Variants in USP45 observed in about 807,000 individuals in gnomAD.
USP45 encodes ubiquitin carboxyl-terminal hydrolase 45.
A neutral mutation model predicts 95.8 loss-of-function variants in USP45; 89 were observed. That is an observed-to-expected ratio of 0.93 (90% confidence interval 0.78 to 1.11). The LOEUF (loss-of-function observed/expected upper bound fraction) is 1.11. Ranked by LOEUF, USP45 falls within the 50% of genes least tolerant of loss-of-function variation. The probability of loss-of-function intolerance (pLI) is 0.00; values close to 1 mark genes in which losing one functional copy is unlikely to be tolerated. For synonymous variants in USP45, 281 were observed against 316.2 expected (o/e 0.89, Z 1.18); for missense variants, 898 against 942.5 (o/e 0.95, Z 0.62).
At chr6:99,500,953 G>T (rs1797233873) in intron 5 of USP45, among the ~76,000 whole-genome samples, 1 of 152,034 alleles carries the variant, frequency 6.6e-6, no homozygotes. Flanking sequence ...CTGTACACTG[G>T]GCTATAGAAA....
chr6:99,513,333 C>T (rs973916581), intron 1 of USP45, among the ~76,000 whole-genome samples: 7 of 152,248 alleles, frequency 4.6e-5, no homozygotes, highest in Admixed American at 2.0e-4. Context: ...TCTTCACTTT[C>T]CTCAAACCTC....
Position 99,468,559 on chromosome 6 carries a change from A to T in USP45, c.993T>A (p.Asp331Glu). 6.2e-7 allele frequency: 1 copy of T among 1,607,988 alleles called. No individual in the cohort carries two copies. The highest frequency in any genetic ancestry group is 2.2e-5 in the East Asian group (1 of 44,674). ...TACCTTTGACTTTTTTTCTAGTTTC[A>T]TCATCAGCAGTTTTAGTAGTTGGGT... ...FNNPTTKTAD[D>E]ETRKKVKAYG... is the part of the protein sequence containing the mutation. Residue 331 changes from aspartate to glutamate, a missense_variant, in exon 10 of 18, where the codon GAT becomes GAA. Asp to Glu is a conservative substitution (Grantham distance 45). Transcript: ENST00000500704.
At chr6:99,490,721 G>A (rs1794989486) in intron 5 of USP45, among the ~76,000 whole-genome samples, 1 of 152,032 alleles carries the variant, frequency 6.6e-6, no homozygotes, top group African/African-American at 2.4e-5. Flanking sequence ...AGCTTCTTAC[G>A]TCTCTGACAA....
chr6:99,456,362 T>G (rs1474674966), intron 13 of USP45, among the ~76,000 whole-genome samples: 1 of 151,932 alleles, frequency 6.6e-6, no homozygotes, highest in Non-Finnish European at 1.5e-5. Context: ...TACGAGAAAA[T>G]CTGAAATGTT....
intron 13 of USP45, chr6:99,461,578 C>T (rs1786484002): frequency 2.4e-5 from 24 of 985,378 alleles, no homozygotes; most frequent in Non-Finnish European, 2.8e-5. Context: ...GAGATAACAT[C>T]TTCCAACTTG....
At chr6:99,446,782 T>G (rs1782640333) in intron 13 of USP45, among the ~76,000 whole-genome samples, 1 of 152,196 alleles carries the variant, frequency 6.6e-6, no homozygotes, top group Admixed American at 6.5e-5. Flanking sequence ...CTTGCTCTGT[T>G]GCCCAGGCTA....
intron 8 of USP45, 35 bp downstream of exon 8, chr6:99,482,717 CT>C: frequency 6.4e-7 from 1 of 1,551,312 alleles, no homozygotes; most frequent in Non-Finnish European, 8.7e-7. Flanking sequence ...TATTTTGTAA[CT>C]CATAATTATT....
At chr6:99,508,920 T>C (rs1583478708) in intron 2 of USP45, 138 bp from the exon 3 acceptor site, 2 of 654,416 alleles carry the variant, frequency 3.1e-6, no homozygotes, top group Non-Finnish European at 5.0e-6. Flanking sequence ...TCAAAAGATA[T>C]ATGCTATATA....
intron 15 of USP45, among the ~76,000 whole-genome samples, chr6:99,441,486 C>T (rs548512968): frequency 4.0e-5 from 6 of 151,824 alleles, no homozygotes; most frequent in East Asian, 1.9e-4. Flanking sequence ...GAGCCGAGAT[C>T]GCGCCATTGC....
At chr6:99,446,528 A>G in intron 13 of USP45, 65 bp from the exon 14 acceptor site, 5 of 1,364,652 alleles carry the variant, frequency 3.7e-6, no homozygotes, top group Non-Finnish European at 4.9e-6. Context: ...AATGCCAATA[A>G]TTCTTAAACA....
chr6:99,510,081 C>T (rs780433958), intron 2 of USP45, 40 bp downstream of exon 2: 11 of 1,462,808 alleles, frequency 7.5e-6, no homozygotes, highest in African/African-American at 2.8e-5. Context: ...ATTGTTATTT[C>T]TTCTCAACAC....
chr6:99,488,035 AT>A (rs1004258893), intron 7 of USP45, among the ~76,000 whole-genome samples, 164 bp downstream of exon 7: 77 of 152,290 alleles, frequency 5.1e-4, no homozygotes, highest in African/African-American at 1.8e-3. Context: ...TAAAGTTATG[AT>A]TTTAGAAATT....
chr6:99,463,800 CAAAAAAA>C (rs398002416), intron 13 of USP45, among the ~76,000 whole-genome samples: 2 of 84,462 alleles, frequency 2.4e-5, no homozygotes, highest in Non-Finnish European at 4.8e-5. Context: ...GACTCCATCT[CAAAAAAA>C]AAAAAAAAAA....
intron 7 of USP45, among the ~76,000 whole-genome samples, chr6:99,485,580 G>C (rs868754900): frequency 1.3e-5 from 2 of 152,180 alleles, no homozygotes; most frequent in African/African-American, 2.4e-5. Flanking sequence ...GTGAATGTGG[G>C]GGGGAGTTGA....
Position 99,476,142 on chromosome 6 carries a change from C to T in USP45, c.933+1G>A, listed in dbSNP as rs201292163. 3 of 1,612,258 alleles carry T rather than the reference C, an allele frequency of 1.9e-6. No individual in the cohort carries two copies. The highest frequency in any genetic ancestry group is 2.2e-5 in the East Asian group (1 of 44,870). ...ACATGATATACATAAAGAAACCTGA[C>T]CTTTGTTTCTTCTGTCCTCACTGCA... is the stretch of plus-strand genomic sequence containing the variant. On this transcript the variant is annotated splice_donor_variant, in intron 9 of 17. Coordinates refer to ENST00000500704, the MANE Select transcript of USP45 (RefSeq NM_001346022.3). LOFTEE classifies it high-confidence loss of function.
In USP45 at chr6:99,502,216, A is replaced by G. The variant is rs79009604; in HGVS notation, c.478+1549T>C. Among the ~76,000 whole-genome samples, 363 of 152,234 alleles carry G rather than the reference A, an allele frequency of 2.4e-3. 2 individuals are homozygous for G. The highest frequency in any genetic ancestry group is 0.022 in the East Asian group (116 of 5,176). On this transcript the variant is annotated intron_variant, in intron 5 of 17. Coordinates refer to ENST00000500704, the MANE Select transcript of USP45 (RefSeq NM_001346022.3). ...TGCATGGGCTGGGGAGAGTGAGGAG[A>G]ATGCATCCTCATTCCCTCTGGAGTG...
chr6:99,473,670 A>ACTTGAAC (rs1186394153), intron 9 of USP45, among the ~76,000 whole-genome samples: 1 of 151,736 alleles, frequency 6.6e-6, no homozygotes, highest in Admixed American at 6.6e-5. Flanking sequence ...CAGGAGAATC[A>ACTTGAAC]CTTGAACCTG....
chr6:99,468,323 T>C (rs1321923675), intron 10 of USP45, among the ~76,000 whole-genome samples: 1 of 152,144 alleles, frequency 6.6e-6, no homozygotes, highest in Admixed American at 6.5e-5. Context: ...ATCTGTATAC[T>C]TGGTATAGCT....
chr6:99,455,270 C>A (rs1784798200), intron 13 of USP45, among the ~76,000 whole-genome samples: 1 of 151,810 alleles, frequency 6.6e-6, no homozygotes, highest in Admixed American at 6.6e-5. Context: ...CATGGTGAAA[C>A]CCTGTCTCTA....
Sources: allele counts gnomAD v4.1 joint callset (sites outside exome capture counted in the v4.1 genomes callset), GRCh38; gene constraint gnomAD v4.1.1; transcripts MANE v1.5; gene names NCBI Gene and HGNC (gene_info 2026-07-23, HGNC 2026-07-21).